Variants in ST3GAL1 observed in about 807,000 individuals in gnomAD.
The protein encoded by ST3GAL1 is CMP-N-acetylneuraminate-beta-galactosamide-alpha-2,3-sialyltransferase 1.
ST3GAL1 carries 16 observed loss-of-function variants against 34.1 expected under a neutral mutation model. The ratio of observed to expected loss-of-function variants is 0.47; its 90% confidence interval spans 0.32 to 0.71. The LOEUF (loss-of-function observed/expected upper bound fraction) is 0.71. Among genes scored for constraint, ST3GAL1 ranks in the 30% least tolerant of loss-of-function variants. The pLI, the probability that ST3GAL1 is intolerant of heterozygous loss-of-function variation, is 0.04. For missense variants in ST3GAL1, 353 were observed against 447.4 expected, an observed-to-expected ratio of 0.79 and a Z score of 1.90; for synonymous variants, 191 against 184.7, an observed-to-expected ratio of 1.03 and a Z score of -0.28.
intron 3 of ST3GAL1, among the ~76,000 whole-genome samples, chr8:133,494,745 C>A (rs187159841): frequency 1.1e-3 from 164 of 152,078 alleles, no homozygotes; most frequent in Non-Finnish European, 2.0e-3. Flanking sequence ...CTCAAGCAGG[C>A]CAAGCACAGG....
intron 2 of ST3GAL1, among the ~76,000 whole-genome samples, chr8:133,505,764 G>A (rs1010176325): frequency 6.6e-5 from 10 of 151,794 alleles, no homozygotes; most frequent in African/African-American, 2.4e-4. Context: ...CACCATGCCT[G>A]GCTAATTTTT....
At chr8:133,480,750 T>C (rs1816350884) in intron 3 of ST3GAL1, among the ~76,000 whole-genome samples, 1 of 152,202 alleles carries the variant, frequency 6.6e-6, no homozygotes, top group Non-Finnish European at 1.5e-5. Context: ...TAGCCGTGGC[T>C]CATCATTCAA....
intron 3 of ST3GAL1, among the ~76,000 whole-genome samples, chr8:133,496,729 G>C (rs1315417765): frequency 2.0e-5 from 3 of 152,182 alleles, no homozygotes; most frequent in Non-Finnish European, 4.4e-5. Flanking sequence ...ACTTTCCTGA[G>C]ACGGGGACCA....
chr8:133,517,220 T>C (rs1172643631), intron 2 of ST3GAL1, among the ~76,000 whole-genome samples: 1 of 152,244 alleles, frequency 6.6e-6, no homozygotes, highest in Non-Finnish European at 1.5e-5. Flanking sequence ...TGTTCCAAGC[T>C]ATGTGACCTT....
intron 1 of ST3GAL1, among the ~76,000 whole-genome samples, chr8:133,555,059 G>A (rs1563740741): frequency 6.6e-6 from 1 of 152,074 alleles, no homozygotes; most frequent in Non-Finnish European, 1.5e-5. Context: ...TCTGAGGGCT[G>A]GGGAGACAAG....
intron 2 of ST3GAL1, among the ~76,000 whole-genome samples, chr8:133,503,536 C>T (rs1817247444): frequency 6.6e-6 from 1 of 152,028 alleles, no homozygotes; most frequent in African/African-American, 2.4e-5. Flanking sequence ...TCCAGCCCCC[C>T]ACTTCCTGGC....
At chr8:133,505,215 G>T (rs551119346) in intron 2 of ST3GAL1, among the ~76,000 whole-genome samples, 2 of 152,154 alleles carry the variant, frequency 1.3e-5, no homozygotes, top group African/African-American at 4.8e-5. Context: ...TTTTAAGGAG[G>T]CACAGAGCCT....
intron 2 of ST3GAL1, among the ~76,000 whole-genome samples, chr8:133,534,925 C>T (rs1019515886): frequency 6.6e-6 from 1 of 152,220 alleles, no homozygotes; most frequent in Non-Finnish European, 1.5e-5. Flanking sequence ...TAGGCTACCA[C>T]CGCTCAAGGG....
intron 1 of ST3GAL1, among the ~76,000 whole-genome samples, chr8:133,561,933 C>T (rs79727185): frequency 0.026 from 3,955 of 152,052 alleles, 155 homozygotes; most frequent in African/African-American, 0.087. Context: ...CTGGGCTTAT[C>T]CCTTCACCAA....
intron 5 of ST3GAL1, among the ~76,000 whole-genome samples, chr8:133,473,058 C>T (rs1035131230): frequency 5.3e-5 from 8 of 151,008 alleles, no homozygotes; most frequent in African/African-American, 7.3e-5. Context: ...ACAAACTCTG[C>T]GACAAAACCT....
chr8:133,549,087 C>A (rs2131080678), intron 1 of ST3GAL1, among the ~76,000 whole-genome samples: 2 of 152,320 alleles, frequency 1.3e-5, no homozygotes, highest in African/African-American at 4.8e-5. Context: ...ATATATACTG[C>A]AACTGTTCTA....
chr8:133,520,606 T>C (rs1817775888), intron 2 of ST3GAL1, among the ~76,000 whole-genome samples: 1 of 152,120 alleles, frequency 6.6e-6, no homozygotes, highest in African/African-American at 2.4e-5. Flanking sequence ...CACCCCACCA[T>C]AGCCTCCAGT....
chr8:133,529,269 G>A (rs1271644296), intron 2 of ST3GAL1, among the ~76,000 whole-genome samples: 2 of 152,228 alleles, frequency 1.3e-5, no homozygotes, highest in Admixed American at 6.5e-5. Flanking sequence ...TCTACTGGAG[G>A]AATATGTCAG....
chr8:133,537,226 G>A (rs1428655073), intron 2 of ST3GAL1, among the ~76,000 whole-genome samples: 2 of 152,144 alleles, frequency 1.3e-5, no homozygotes, highest in Admixed American at 6.5e-5. Context: ...GTGGGGGGAG[G>A]TATGGGGGAA....
rs139643365 is a variant in ST3GAL1 at position 133,534,519 on chromosome 8, C to G, written c.-429+11255G>C. 1.3e-3 allele frequency among the ~76,000 whole-genome samples: 205 copies of G among 152,230 alleles called. 1 individual carries two copies. Among genetic ancestry groups the G allele is most frequent in the Non-Finnish European group, 9.3e-4 (63 of 68,016 alleles). ...GGGATATTTTGGCAGGGTGTGTTTG[C>G]CTAAGTTAATTGGAGGCAGACAGGG... On this transcript the variant is annotated intron_variant, in intron 2 of 9. Coordinates refer to ENST00000522652, the MANE Select transcript of ST3GAL1 (RefSeq NM_173344.3).
At chr8:133,529,750 A>G (rs1818089586) in intron 2 of ST3GAL1, among the ~76,000 whole-genome samples, 1 of 151,978 alleles carries the variant, frequency 6.6e-6, no homozygotes, top group African/African-American at 2.4e-5. Flanking sequence ...TGCACTGCCC[A>G]GGTTCCCAGA....
intron 2 of ST3GAL1, among the ~76,000 whole-genome samples, chr8:133,527,822 A>G (rs1818021318): frequency 6.6e-6 from 1 of 152,182 alleles, no homozygotes; most frequent in Non-Finnish European, 1.5e-5. Flanking sequence ...AAGTCAATCC[A>G]GATGGGCTCT....
At chr8:133,566,006 C>G (rs1819387184) in intron 1 of ST3GAL1, among the ~76,000 whole-genome samples, 1 of 152,216 alleles carries the variant, frequency 6.6e-6, no homozygotes, top group African/African-American at 2.4e-5. Context: ...GACACAAATC[C>G]CATCCCTGCT....
intron 1 of ST3GAL1, among the ~76,000 whole-genome samples, chr8:133,550,103 C>T (rs1818797641): frequency 6.6e-6 from 1 of 152,222 alleles, no homozygotes; most frequent in South Asian, 2.1e-4. Flanking sequence ...ATTCCACTGT[C>T]TTTCTGCCCC....
Sources: gnomAD v4.1 joint callset for allele counts (sites outside exome capture counted in the v4.1 genomes callset) on GRCh38, gnomAD v4.1.1 for gene constraint, MANE v1.5 for transcripts, NCBI Gene and HGNC (gene_info 2026-07-23, HGNC 2026-07-21) for gene names.